The following ZDHHC15 variants were observed in gnomAD, a reference collection of about 807,000 sequenced individuals.
ZDHHC15 encodes the protein zDHHC palmitoyltransferase 15, also known as palmitoyltransferase ZDHHC15.
A neutral mutation model predicts 31.7 loss-of-function variants in ZDHHC15; 19 were observed. The observed-to-expected ratio is 0.60, with a 90% confidence interval of 0.42 to 0.88. The LOEUF (loss-of-function observed/expected upper bound fraction) is 0.88, where lower values mean the gene tolerates loss of function less well. ZDHHC15 is among the 40% of genes least tolerant of loss of function. The pLI is 0.00. For synonymous variants in ZDHHC15, 103 were observed against 90.0 expected (o/e 1.14, Z -0.82); for missense variants, 209 against 251.2 (o/e 0.83, Z 1.14).
At chrX:75,438,045 C>T (rs2083888005) in intron 4 of ZDHHC15, among the ~76,000 whole-genome samples, 1 of 112,049 alleles carries the variant, frequency 8.9e-6, no homozygotes. Context: ...CCATCACTGG[C>T]CATCAGAGAA....
At position 75,459,226 on chromosome X, in the gene ZDHHC15, C is replaced by T. The variant is rs1022123991; in HGVS notation, c.259-8304G>A. On this transcript the variant is annotated intron_variant, in intron 3 of 11. Transcript: ENST00000373367. ...CCAGGAGTTTTACATACTCCAGCCC[C>T]AGTAGCCCCAGCAAGGTGGGAGATC... Among the ~76,000 whole-genome samples, 3 of 110,623 alleles carry T rather than the reference C, an allele frequency of 2.7e-5. No individual in the cohort carries two copies. The South Asian group carries it at 1.2e-3, about 43-fold the overall frequency.
intron 7 of ZDHHC15, among the ~76,000 whole-genome samples, chrX:75,427,086 T>C (rs1462321823): frequency 8.9e-6 from 1 of 112,088 alleles, no homozygotes; most frequent in East Asian, 2.8e-4. Context: ...GCTTTCAAAA[T>C]ATATGGCAGT....
At chrX:75,433,679 GTGTGTGTGTGTGTGTGTGTATATATA>G (rs1569326251) in intron 4 of ZDHHC15, among the ~76,000 whole-genome samples, 2 of 84,341 alleles carry the variant, frequency 2.4e-5, no homozygotes, top group Non-Finnish European at 4.3e-5. Context: ...GTGTGTGTGT[GTGTGTGTGTGTGTGTGTGTATATATA>G]TATATATATA....
chrX:75,443,863 A>G (rs1013213316), intron 4 of ZDHHC15, among the ~76,000 whole-genome samples: 1 of 112,400 alleles, frequency 8.9e-6, no homozygotes, highest in African/African-American at 3.2e-5. Context: ...ACACACATGA[A>G]AAAATGCTCA....
At chrX:75,516,789 G>A (rs1208044703) in intron 1 of ZDHHC15, among the ~76,000 whole-genome samples, 1 of 111,783 alleles carries the variant, frequency 8.9e-6, no homozygotes, top group Admixed American at 9.5e-5. Context: ...TACCATCAGA[G>A]TGAACAGGCA....
chrX:75,468,483 A>G (rs765094769), intron 3 of ZDHHC15, among the ~76,000 whole-genome samples: 1 of 112,078 alleles, frequency 8.9e-6, no homozygotes, highest in African/African-American at 3.2e-5. Flanking sequence ...GAAAATTTGG[A>G]CTGTTTCTAC....
At chrX:75,509,155 C>A (rs984560837) in intron 1 of ZDHHC15, among the ~76,000 whole-genome samples, 1 of 110,879 alleles carries the variant, frequency 9.0e-6, no homozygotes, top group Non-Finnish European at 1.9e-5. Flanking sequence ...GCAACAAAAG[C>A]CAAAATTGAC....
intron 10 of ZDHHC15, among the ~76,000 whole-genome samples, chrX:75,386,680 T>C (rs760288468): frequency 8.9e-6 from 1 of 111,987 alleles, no homozygotes; most frequent in Non-Finnish European, 1.9e-5. Context: ...TTTCACTATG[T>C]TGCCCAGGCT....
At chrX:75,426,120 T>C (rs1325132036) in intron 7 of ZDHHC15, among the ~76,000 whole-genome samples, 1 of 112,670 alleles carries the variant, frequency 8.9e-6, no homozygotes, top group Non-Finnish European at 1.9e-5. Flanking sequence ...GTTTTTGTTT[T>C]ATTTTGAACT....
chrX:75,396,806 T>TA (rs1400770528), intron 10 of ZDHHC15, among the ~76,000 whole-genome samples: 1 of 111,104 alleles, frequency 9.0e-6, no homozygotes, highest in Admixed American at 9.6e-5. Context: ...TATTGAGCCA[T>TA]AAAAAAATAA....
At chrX:75,454,395 C>T (rs142606439) in intron 3 of ZDHHC15, among the ~76,000 whole-genome samples, 39 of 112,016 alleles carry the variant, frequency 3.5e-4, no homozygotes, top group Middle Eastern at 9.1e-3. Flanking sequence ...AATAAACATA[C>T]ATTTGCATGT....
rs141788587 is a variant in ZDHHC15, at chrX:75,460,458, G to T, written c.259-9536C>A. Among the ~76,000 whole-genome samples the T allele has an allele frequency of 7.9e-3, 880 of 111,150 alleles. 11 individuals carry two copies. The highest frequency in any genetic ancestry group is 0.026 in the African/African-American group (809 of 30,610). On this transcript the variant is annotated intron_variant, in intron 3 of 11. Transcript: ENST00000373367. ...AGCAGCCAGACTGCTTCTTTAAGTG[G>T]GTCCCTGTTTCCACTCCTCCTGACT...
intron 8 of ZDHHC15, 141 bp from the exon 9 acceptor site, chrX:75,422,131 A>C: frequency 3.5e-5 from 25 of 709,121 alleles, no homozygotes; most frequent in Admixed American, 4.7e-5. Flanking sequence ...CAGACCTCTC[A>C]TTTTTAGGTA....
chrX:75,490,396 C>T (rs1326671316), intron 2 of ZDHHC15, among the ~76,000 whole-genome samples: 4 of 111,875 alleles, frequency 3.6e-5, no homozygotes, highest in Non-Finnish European at 7.5e-5. Flanking sequence ...GATCTCTCAG[C>T]AGAAATTCTA....
Position 75,371,741 on chromosome X carries a change from A to C in ZDHHC15, c.*1237T>G, listed in dbSNP as rs947059628. On this transcript the variant is annotated 3_prime_UTR_variant, in exon 12 of 12. Transcript: ENST00000373367. ...AGACTGCTGGATGAAAAAATGAAAG[A>C]TATCAATACTCTTAAGATATTATTA... The C allele has an allele frequency of 8.0e-5, 9 of 111,827 alleles. No individual in the cohort carries two copies. Among genetic ancestry groups the C allele is most frequent in the African/African-American group, 2.9e-4 (9 of 30,780 alleles). The allele number at this position is 111,827 out of a possible 1,213,427, so 9.2% of individuals were successfully genotyped here. A position where few individuals can be genotyped will look rare whatever the true frequency, so the allele number is the denominator to read the frequency against.
chrX:75,474,351 T>G (rs5937388), intron 3 of ZDHHC15, among the ~76,000 whole-genome samples: 6,186 of 108,210 alleles, frequency 0.057, 233 homozygotes, highest in African/African-American at 0.13. Context: ...GGATTCAGAC[T>G]GGCTTTCCTT....
Position 75,455,196 on chromosome X carries a change from G to C in ZDHHC15, c.259-4274C>G, listed in dbSNP as rs937536075. Among the ~76,000 whole-genome samples the C allele has an allele frequency of 6.3e-5, 7 of 111,114 alleles. No individual in the cohort carries two copies. The East Asian group carries it at 8.5e-4, about 13-fold the overall frequency. On this transcript the variant is annotated intron_variant, in intron 3 of 11. Coordinates refer to ENST00000373367, the MANE Select transcript of ZDHHC15 (RefSeq NM_144969.3). ...TATAGCCCAATGGAACAGAACAGAG[G>C]CCTCAGAAATAACACCACACATGTA...
intron 3 of ZDHHC15, among the ~76,000 whole-genome samples, chrX:75,454,492 C>A (rs918818572): frequency 9.0e-6 from 1 of 111,611 alleles, no homozygotes; most frequent in African/African-American, 3.3e-5. Context: ...ATTTCTAGAT[C>A]CTTGAGGAAT....
chrX:75,382,048 C>T (rs1157458934), intron 10 of ZDHHC15, among the ~76,000 whole-genome samples: 1 of 112,077 alleles, frequency 8.9e-6, no homozygotes, highest in Non-Finnish European at 1.9e-5. Flanking sequence ...ATGTATCACA[C>T]ATTGCTTAAT....
Sources: gnomAD v4.1 joint callset for allele counts (sites outside exome capture counted in the v4.1 genomes callset) on GRCh38, gnomAD v4.1.1 for gene constraint, MANE v1.5 for transcripts, NCBI Gene and HGNC (gene_info 2026-07-23, HGNC 2026-07-21) for gene names.